The following ENAH variants were observed in gnomAD, a reference collection of about 807,000 sequenced individuals.
ENAH encodes the protein protein enabled homolog.
In ENAH, 23 loss-of-function variants were observed where a neutral mutation model predicts 78.7. The observed-to-expected ratio is 0.29, with a 90% CI of 0.21 to 0.41. ENAH has a LOEUF of 0.41. Among genes scored for constraint, ENAH ranks in the 10% least tolerant of loss-of-function variants. The pLI is 1.00. For synonymous variants in ENAH, 226 were observed against 241.0 expected (o/e 0.94, Z 0.58); for missense variants, 544 against 691.0 (o/e 0.79, Z 2.39).
At chr1:225,626,519 G>A (rs1473984355) in intron 1 of ENAH, among the ~76,000 whole-genome samples, 2 of 152,234 alleles carry the variant, frequency 1.3e-5, no homozygotes, top group Non-Finnish European at 2.9e-5. Flanking sequence ...TCTACCATGT[G>A]AGAATGCAGC....
intron 2 of ENAH, among the ~76,000 whole-genome samples, chr1:225,559,749 A>G (rs2096690036): frequency 1.3e-5 from 2 of 152,212 alleles, no homozygotes; most frequent in South Asian, 4.1e-4. Flanking sequence ...AAAAGCTCTC[A>G]GCAGACAGTA....
At chr1:225,545,706 T>C (rs556574123) in intron 3 of ENAH, among the ~76,000 whole-genome samples, 2 of 152,118 alleles carry the variant, frequency 1.3e-5, no homozygotes, top group Non-Finnish European at 2.9e-5. Context: ...TGAAGTATAA[T>C]GAAGAAGATC....
Position 225,611,791 on chromosome 1 carries a change from C to G in ENAH, c.5+40895G>C, listed in dbSNP as rs561286597. Among the ~76,000 whole-genome samples, 8 of 152,172 alleles carry G rather than the reference C, an allele frequency of 5.3e-5. No individual in the cohort carries two copies. In the South Asian group the frequency reaches 1.7e-3, roughly 32 times the overall value. On this transcript the variant is annotated intron_variant, in intron 1 of 13. Transcript: ENST00000366843. ...GACAGAGTGAGAAAAAGATAATACT[C>G]AACGGCCAACAAGCACATGAAGAGA...
intron 1 of ENAH, among the ~76,000 whole-genome samples, chr1:225,599,403 A>G (rs78681991): frequency 0.043 from 6,502 of 152,272 alleles, 224 homozygotes; most frequent in South Asian, 0.1. Context: ...CCAGAGTATG[A>G]TAACTGTACT....
At chr1:225,633,709 C>T (rs1575806997) in intron 1 of ENAH, among the ~76,000 whole-genome samples, 1 of 152,096 alleles carries the variant, frequency 6.6e-6, no homozygotes, top group African/African-American at 2.4e-5. Flanking sequence ...TGTGAAGTTG[C>T]CTGGCCTATC....
At chr1:225,543,440 T>A (rs956256512) in intron 3 of ENAH, among the ~76,000 whole-genome samples, 3 of 152,228 alleles carry the variant, frequency 2.0e-5, no homozygotes, top group Non-Finnish European at 4.4e-5. Context: ...AGAAGTCATT[T>A]GTTTTCTCAT....
At chr1:225,580,912 C>CAAAAAA (rs78529288) in intron 1 of ENAH, among the ~76,000 whole-genome samples, 7 of 63,902 alleles carry the variant, frequency 1.1e-4, no homozygotes, top group East Asian at 4.5e-4. Context: ...AGAAAAAAAC[C>CAAAAAA]AAAAAAAAAA....
intron 1 of ENAH, among the ~76,000 whole-genome samples, chr1:225,633,038 T>C (rs1659385619): frequency 6.8e-6 from 1 of 146,070 alleles, no homozygotes; most frequent in South Asian, 2.1e-4. Flanking sequence ...TCACTCAAAG[T>C]CTTTTTTTTT....
At chr1:225,571,475 T>C (rs1472637500) in intron 1 of ENAH, among the ~76,000 whole-genome samples, 2 of 152,144 alleles carry the variant, frequency 1.3e-5, no homozygotes, top group African/African-American at 4.8e-5. Flanking sequence ...ATAACTCTAC[T>C]GTTCAAGGGT....
chr1:225,548,321 A>T (rs1023386496), intron 3 of ENAH, among the ~76,000 whole-genome samples: 2 of 151,876 alleles, frequency 1.3e-5, no homozygotes, highest in Non-Finnish European at 2.9e-5. Flanking sequence ...CATGACTCAC[A>T]TTTTATAAAT....
rs397939130 is a variant in ENAH, at chr1:225,631,575, C to CAA, written c.5+21109_5+21110dup. Among the ~76,000 whole-genome samples, 176 of 71,458 alleles carry CAA rather than the reference C, an allele frequency of 2.5e-3. 2 individuals carry two copies. The highest frequency in any genetic ancestry group is 6.6e-3 in the African/African-American group (155 of 23,562). 46.9% of individuals were successfully genotyped at this position (71,458 alleles called of 152,430 possible). A position where few individuals can be genotyped will look rare whatever the true frequency, so the allele number is the denominator to read the frequency against. ...AGTGACAGAGCAAGACACCATCTCT[C>CAA]AAAAAAAAAAAAAAAAAAGGCATAA... On this transcript the variant is annotated intron_variant, in intron 1 of 13. Coordinates refer to ENST00000366843, the MANE Select transcript of ENAH (RefSeq NM_018212.6).
chr1:225,580,843 G>A (rs368359519), intron 1 of ENAH, among the ~76,000 whole-genome samples: 9 of 149,216 alleles, frequency 6.0e-5, no homozygotes, highest in Admixed American at 4.0e-4. Flanking sequence ...GGAAGTTGCA[G>A]TGAGCCGAGA....
intron 1 of ENAH, among the ~76,000 whole-genome samples, chr1:225,613,953 T>C (rs1457452871): frequency 1.3e-5 from 2 of 152,144 alleles, no homozygotes; most frequent in African/African-American, 4.8e-5. Context: ...TCTGGCCCAA[T>C]AGCTCTAAAT....
In ENAH at chr1:225,653,093, C is replaced by A; in HGVS notation, c.-403G>T. On this transcript the variant is annotated 5_prime_UTR_variant, in exon 1 of 14. Transcript: ENST00000366843. This position sits in a 1 kb window ranked among gnomAD's most constrained non-coding sequence, Gnocchi z 4.3. ...CGCCGCCGCCGAGGCCGTGTGCAAC[C>A]GGCAGCTGCTGCAGCCGCGGGAGGA... 1 of 153,256 alleles carries A rather than the reference C, an allele frequency of 6.5e-6. No homozygotes were observed. Among genetic ancestry groups the A allele is most frequent in the South Asian group, 1.8e-4 (1 of 5,502 alleles). 9.5% of individuals were successfully genotyped at this position (153,256 alleles called of 1,614,324 possible).
intron 3 of ENAH, among the ~76,000 whole-genome samples, chr1:225,546,928 A>AT (rs2151373515): frequency 1.3e-5 from 2 of 152,314 alleles, no homozygotes; most frequent in East Asian, 3.9e-4. Flanking sequence ...CTGATGCTGA[A>AT]TTACATTTTC....
Position 225,492,916 on chromosome 1 carries a change from GTTAA to G in ENAH, c.*4855_*4858del, listed in dbSNP as rs776489365. The stretch of plus-strand genomic sequence containing the variant: ...AAAACTATTTAGAAAGACAAATTTA[GTTAA>G]TTCTTTAGCAGTTGTCAAATGTGTC... On this transcript the variant is annotated 3_prime_UTR_variant, in exon 14 of 14. Coordinates refer to ENST00000366843, the MANE Select transcript of ENAH (RefSeq NM_018212.6). 3 of 151,250 alleles carry G rather than the reference GTTAA, an allele frequency of 2.0e-5. No homozygotes were observed. Among genetic ancestry groups the G allele is most frequent in the Non-Finnish European group, 3.0e-5 (2 of 67,662 alleles). 9.4% of individuals were successfully genotyped at this position (151,250 alleles called of 1,614,324 possible).
At chr1:225,638,100 C>T (rs1185111305) in intron 1 of ENAH, among the ~76,000 whole-genome samples, 1 of 152,068 alleles carries the variant, frequency 6.6e-6, no homozygotes, top group Admixed American at 6.5e-5. Flanking sequence ...TTATTAATCC[C>T]ATTTTGCAAA....
chr1:225,500,413 C>T (rs1036947039), intron 12 of ENAH, among the ~76,000 whole-genome samples: 2 of 152,148 alleles, frequency 1.3e-5, no homozygotes, highest in African/African-American at 2.4e-5. Flanking sequence ...GGCAACTGTT[C>T]ACAATTTACT....
At chr1:225,606,842 CAAAAAAAAAAAAAA>C (rs59168194) in intron 1 of ENAH, among the ~76,000 whole-genome samples, 2 of 49,048 alleles carry the variant, frequency 4.1e-5, no homozygotes, top group Non-Finnish European at 7.9e-5. Flanking sequence ...GACTCTGTCT[CAAAAAAAAAAAAAA>C]AAAAAAAAAA....
Sources: gnomAD v4.1 joint callset for allele counts (sites outside exome capture counted in the v4.1 genomes callset) on GRCh38, gnomAD v4.1.1 for gene constraint, Gnocchi (gnomAD v3.1) non-coding constraint, MANE v1.5 for transcripts, NCBI Gene and HGNC (gene_info 2026-07-23, HGNC 2026-07-21) for gene names.